The following MAP7 variants were observed in gnomAD, a reference collection of about 807,000 sequenced individuals.
MAP7 encodes the protein microtubule associated protein 7, also known as ensconsin.
MAP7 carries 52 observed loss-of-function variants against 94.8 expected under a neutral mutation model. That is an observed-to-expected ratio of 0.55 (90% CI 0.44 to 0.69). MAP7 has a LOEUF of 0.69. Among genes scored for constraint, MAP7 ranks in the 30% least tolerant of loss-of-function variants. MAP7 has a pLI of 0.00. For synonymous variants in MAP7, 350 were observed against 357.0 expected, an observed-to-expected ratio of 0.98 and a Z score of 0.22; for missense variants, 940 against 964.6, an observed-to-expected ratio of 0.97 and a Z score of 0.34.
intron 7 of MAP7, among the ~76,000 whole-genome samples, chr6:136,376,366 T>G (rs761910047): frequency 6.6e-6 from 1 of 152,048 alleles, no homozygotes; most frequent in Non-Finnish European, 1.5e-5. Context: ...CCCAAAGTGC[T>G]GGGATTACAG....
chr6:136,502,475 G>A (rs768182161), intron 1 of MAP7, among the ~76,000 whole-genome samples: 2 of 152,238 alleles, frequency 1.3e-5, no homozygotes, highest in Non-Finnish European at 2.9e-5. Flanking sequence ...CACTAGGAGT[G>A]CCTTGTGGAA....
intron 11 of MAP7, among the ~76,000 whole-genome samples, 188 bp downstream of exon 11, chr6:136,362,262 A>G (rs773094771): frequency 6.6e-6 from 1 of 152,198 alleles, no homozygotes; most frequent in Non-Finnish European, 1.5e-5. Context: ...TTCTATTTAA[A>G]AAAAAGAAGA....
At position 136,502,796 on chromosome 6, in the gene MAP7, T is replaced by A. The variant is rs572062051; in HGVS notation, c.67+47546A>T. 9.7e-4 allele frequency among the ~76,000 whole-genome samples: 148 copies of A among 152,304 alleles called. 1 individual carries two copies. The highest frequency in any genetic ancestry group is 1.6e-3 in the Non-Finnish European group (106 of 68,016). On this transcript the variant is annotated intron_variant, in intron 1 of 17. Coordinates refer to ENST00000354570, the MANE Select transcript of MAP7 (RefSeq NM_003980.6). ...AGGAATTCAGACTGCACTCTTATAA[T>A]TGATATGAATAGAGTGCACAGAATA... is the stretch of plus-strand genomic sequence containing the variant.
chr6:136,399,465 T>C (rs1256638443), intron 3 of MAP7, among the ~76,000 whole-genome samples: 2 of 151,864 alleles, frequency 1.3e-5, no homozygotes, highest in Non-Finnish European at 2.9e-5. Flanking sequence ...TGGCCTCAGC[T>C]CCTGAGTAGC....
intron 1 of MAP7, among the ~76,000 whole-genome samples, chr6:136,539,644 T>C (rs1829153787): frequency 6.6e-6 from 1 of 152,100 alleles, no homozygotes; most frequent in Non-Finnish European, 1.5e-5. Flanking sequence ...TCACAAAAGA[T>C]GGCACCACAA....
chr6:136,548,687 C>T (rs1829912211), intron 1 of MAP7, among the ~76,000 whole-genome samples: 1 of 152,162 alleles, frequency 6.6e-6, no homozygotes, highest in African/African-American at 2.4e-5. Context: ...ACTGAATATC[C>T]TACAGTTTGT....
At chr6:136,387,634 C>T in intron 5 of MAP7, among the ~76,000 whole-genome samples, 1 of 151,994 alleles carries the variant, frequency 6.6e-6, no homozygotes, top group Non-Finnish European at 1.5e-5. Flanking sequence ...TTTCTAGTAC[C>T]ACCAAAAGTT....
At chr6:136,470,700 A>T (rs1808684872) in intron 1 of MAP7, among the ~76,000 whole-genome samples, 1 of 151,972 alleles carries the variant, frequency 6.6e-6, no homozygotes, top group Non-Finnish European at 1.5e-5. Context: ...TGTATTCCTT[A>T]GAACACATCA....
intron 3 of MAP7, among the ~76,000 whole-genome samples, chr6:136,410,448 GAGGA>G (rs1787083037): frequency 6.6e-6 from 1 of 152,192 alleles, no homozygotes; most frequent in African/African-American, 2.4e-5. Context: ...ATATTCACAG[GAGGA>G]AGGGAGAGCC....
At chr6:136,477,693 G>A (rs952568663) in intron 1 of MAP7, among the ~76,000 whole-genome samples, 1 of 152,156 alleles carries the variant, frequency 6.6e-6, no homozygotes, top group Non-Finnish European at 1.5e-5. Flanking sequence ...GAGAGAGAAT[G>A]ACACCATTAC....
intron 1 of MAP7, among the ~76,000 whole-genome samples, chr6:136,483,724 A>C (rs1813682583): frequency 6.6e-6 from 1 of 152,224 alleles, no homozygotes; most frequent in African/African-American, 2.4e-5. Context: ...TCCAAAGCAA[A>C]AGATACAAAA....
intron 5 of MAP7, among the ~76,000 whole-genome samples, chr6:136,386,320 C>A (rs1202337866): frequency 6.6e-6 from 1 of 152,156 alleles, no homozygotes; most frequent in Non-Finnish European, 1.5e-5. Context: ...TATTTTCTGG[C>A]AAACTTCTCT....
rs1205288068 is a variant in MAP7 at position 136,342,785 on chromosome 6, CAAATT to C, written c.*1438_*1442del. On this transcript the variant is annotated 3_prime_UTR_variant, in exon 18 of 18. Transcript: ENST00000354570. ...GTGTTTCATGCTATGTTGATTTAAA[CAAATT>C]AAACAAGTTTGTTGAACAGATTTCT... 1.3e-5 allele frequency: 2 copies of C among 152,128 alleles called. No individual in the cohort carries two copies. The highest frequency in any genetic ancestry group is 4.8e-5 in the African/African-American group (2 of 41,434). The allele number at this position is 152,128 out of a possible 1,614,324, so 9.4% of individuals were successfully genotyped here. A position where few individuals can be genotyped will look rare whatever the true frequency, so the allele number is the denominator to read the frequency against.
chr6:136,398,153 T>G (rs1440098713), intron 3 of MAP7, among the ~76,000 whole-genome samples: 1 of 152,148 alleles, frequency 6.6e-6, no homozygotes, highest in Non-Finnish European at 1.5e-5. Flanking sequence ...AAAAAGGAAT[T>G]AAAAATGAAA....
chr6:136,516,589 G>C (rs1824914233), intron 1 of MAP7, among the ~76,000 whole-genome samples: 1 of 152,112 alleles, frequency 6.6e-6, no homozygotes, highest in South Asian at 2.1e-4. Context: ...TACTTCACCA[G>C]GACACAGATC....
Position 136,523,939 on chromosome 6 carries a change from A to C in MAP7, c.67+26403T>G, listed in dbSNP as rs1028432418. Among the ~76,000 whole-genome samples the C allele has an allele frequency of 3.9e-5, 6 of 152,132 alleles. 1 individual carries two copies. Among genetic ancestry groups the C allele is most frequent in the African/African-American group, 1.2e-4 (5 of 41,430 alleles). On this transcript the variant is annotated intron_variant, in intron 1 of 17. Transcript: ENST00000354570. Reference sequence around the variant, plus strand: ...CAACAGGAGACAGGCAGAGGTATTCAAGAAAATTATTAAGAAGAGGGCAGG... The same window carrying C: ...CAACAGGAGACAGGCAGAGGTATTCCAGAAAATTATTAAGAAGAGGGCAGG...
chr6:136,415,471 C>T (rs1562374870), intron 2 of MAP7, among the ~76,000 whole-genome samples: 1 of 152,188 alleles, frequency 6.6e-6, no homozygotes, highest in Non-Finnish European at 1.5e-5. Context: ...TTTAATAACA[C>T]ATGGGACACA....
intron 1 of MAP7, among the ~76,000 whole-genome samples, chr6:136,467,177 A>G (rs1807419632): frequency 6.6e-6 from 1 of 152,240 alleles, no homozygotes; most frequent in African/African-American, 2.4e-5. Flanking sequence ...TTAAACATAC[A>G]TTAAAAACTT....
intron 1 of MAP7, among the ~76,000 whole-genome samples, chr6:136,425,971 C>T (rs1226082932): frequency 6.6e-6 from 1 of 152,170 alleles, no homozygotes; most frequent in Non-Finnish European, 1.5e-5. Context: ...GTATCTCCTT[C>T]TACCACTTCT....
Sources: allele counts gnomAD v4.1 joint callset (sites outside exome capture counted in the v4.1 genomes callset), GRCh38; gene constraint gnomAD v4.1.1; transcripts MANE v1.5; gene names NCBI Gene and HGNC (gene_info 2026-07-23, HGNC 2026-07-21).